MEGF11: variants seen among roughly 807,000 people sequenced by gnomAD.
The protein encoded by MEGF11 is multiple epidermal growth factor-like domains protein 11.
In MEGF11, 126 loss-of-function variants were observed where a neutral mutation model predicts 146.6. The ratio of observed to expected loss-of-function variants is 0.86; its 90% CI spans 0.74 to 1.00. The LOEUF is 1.00. Among genes scored for constraint, MEGF11 ranks in the 50% least tolerant of loss-of-function variants. The pLI, the probability that MEGF11 is intolerant of heterozygous loss-of-function variation, is 0.00. For missense variants in MEGF11, 1,509 were observed against 1,521.2 expected, an observed-to-expected ratio of 0.99 and a Z score of 0.13; for synonymous variants, 532 against 583.4, an observed-to-expected ratio of 0.91 and a Z score of 1.27.
At chr15:66,085,710 C>G (rs1181707000) in intron 5 of MEGF11, among the ~76,000 whole-genome samples, 2 of 152,208 alleles carry the variant, frequency 1.3e-5, no homozygotes, top group Non-Finnish European at 2.9e-5. Flanking sequence ...TCTGACAGAG[C>G]CTACCCAAAT....
intron 1 of MEGF11, among the ~76,000 whole-genome samples, chr15:66,170,211 A>G (rs1468282576): frequency 6.6e-6 from 1 of 152,144 alleles, no homozygotes. Context: ...GCAGATGGAG[A>G]GCACCTGTGG....
chr15:66,054,312 C>A (rs184833008), intron 5 of MEGF11, among the ~76,000 whole-genome samples: 4 of 152,204 alleles, frequency 2.6e-5, no homozygotes, highest in African/African-American at 9.7e-5. Flanking sequence ...GTTTAAAATT[C>A]TCTGCAGGCT....
intron 4 of MEGF11, among the ~76,000 whole-genome samples, chr15:66,107,062 A>ACC (rs10666321): frequency 5.3e-5 from 8 of 150,234 alleles, no homozygotes; most frequent in Non-Finnish European, 1.0e-4. Context: ...CTACCCCCCC[A>ACC]CCAGGTATAG....
chr15:65,996,028 A>C (rs762901215), intron 5 of MEGF11, among the ~76,000 whole-genome samples: 1 of 152,170 alleles, frequency 6.6e-6, no homozygotes, highest in Non-Finnish European at 1.5e-5. Context: ...GTCCTGGGGA[A>C]GCCTCCACCC....
chr15:66,119,635 C>T (rs1047735162), intron 3 of MEGF11, among the ~76,000 whole-genome samples: 2 of 151,936 alleles, frequency 1.3e-5, no homozygotes, highest in African/African-American at 4.8e-5. Context: ...AGTATTGGTC[C>T]CCCCACTTGA....
At chr15:65,981,439 A>C (rs1239335794) in intron 6 of MEGF11, among the ~76,000 whole-genome samples, 2 of 152,062 alleles carry the variant, frequency 1.3e-5, no homozygotes, top group South Asian at 4.1e-4. Context: ...CAGGATTTGC[A>C]TGGGGTCTTG....
At chr15:66,247,810 G>A (rs1459983527) in intron 1 of MEGF11, among the ~76,000 whole-genome samples, 1 of 146,238 alleles carries the variant, frequency 6.8e-6, no homozygotes, top group Non-Finnish European at 1.5e-5. Flanking sequence ...GCCGAGGCTG[G>A]CAGATCACCT....
intron 5 of MEGF11, among the ~76,000 whole-genome samples, chr15:66,032,603 G>A (rs1349518215): frequency 6.6e-6 from 1 of 152,204 alleles, no homozygotes; most frequent in Non-Finnish European, 1.5e-5. Flanking sequence ...AAGAAACAAG[G>A]TATTGGAAAC....
intron 5 of MEGF11, among the ~76,000 whole-genome samples, chr15:66,027,825 A>G (rs1270122289): frequency 6.6e-6 from 1 of 152,200 alleles, no homozygotes; most frequent in African/African-American, 2.4e-5. Context: ...TAGGATCAGA[A>G]ACCCCAGGCT....
intron 5 of MEGF11, among the ~76,000 whole-genome samples, chr15:66,045,993 C>G (rs1473407305): frequency 6.6e-6 from 1 of 152,168 alleles, no homozygotes; most frequent in Non-Finnish European, 1.5e-5. Context: ...ATCCCAGCTA[C>G]TCGGGAGGCT....
intron 1 of MEGF11, among the ~76,000 whole-genome samples, chr15:66,172,985 G>C (rs2090301536): frequency 6.6e-6 from 1 of 152,086 alleles, no homozygotes; most frequent in Non-Finnish European, 1.5e-5. Flanking sequence ...GGGCTACCCT[G>C]GGAGGGGAGT....
At chr15:65,996,604 GCCT>G (rs1476592722) in intron 5 of MEGF11, among the ~76,000 whole-genome samples, 1 of 151,894 alleles carries the variant, frequency 6.6e-6, no homozygotes, top group Non-Finnish European at 1.5e-5. Context: ...TCCTGCTTCA[GCCT>G]CCTAAGTAGC....
At chr15:65,959,627 T>A (rs1301121691) in intron 9 of MEGF11, among the ~76,000 whole-genome samples, 1 of 152,202 alleles carries the variant, frequency 6.6e-6, no homozygotes, top group Non-Finnish European at 1.5e-5. Context: ...AAGGAAATAA[T>A]CATAGCTGTG....
intron 19 of MEGF11, 24 bp downstream of exon 19, chr15:65,915,446 G>A (rs1207931319): frequency 1.9e-6 from 3 of 1,611,806 alleles, no homozygotes; most frequent in Middle Eastern, 1.8e-4. Context: ...CACAGACCCC[G>A]GGGCTCTGCC....
At chr15:66,215,811 G>A (rs912435624) in intron 1 of MEGF11, among the ~76,000 whole-genome samples, 1 of 152,230 alleles carries the variant, frequency 6.6e-6, no homozygotes, top group African/African-American at 2.4e-5. Flanking sequence ...ACAGAGGACT[G>A]CACCCTGAGA....
At chr15:66,013,292 C>T (rs567825554) in intron 5 of MEGF11, among the ~76,000 whole-genome samples, 4 of 152,338 alleles carry the variant, frequency 2.6e-5, no homozygotes, top group African/African-American at 7.2e-5. Context: ...CTCTTAGCCT[C>T]ACCCTCCCAC....
chr15:66,125,362 T>TC (rs1457388281), intron 2 of MEGF11, among the ~76,000 whole-genome samples: 4 of 152,184 alleles, frequency 2.6e-5, no homozygotes, highest in Non-Finnish European at 2.9e-5. Context: ...AGAGTCCTCT[T>TC]CCAGCTCTGG....
At chr15:66,065,591 G>A (rs2085089575) in intron 5 of MEGF11, among the ~76,000 whole-genome samples, 1 of 152,172 alleles carries the variant, frequency 6.6e-6, no homozygotes. Context: ...GGCAGGTGGG[G>A]GTGGGTACTG....
chr15:66,065,447 T>C (rs1400911148), intron 5 of MEGF11, among the ~76,000 whole-genome samples: 1 of 152,210 alleles, frequency 6.6e-6, no homozygotes, highest in Non-Finnish European at 1.5e-5. Context: ...GCTCTGCATG[T>C]CTGGATCTGA....
Sources: gnomAD v4.1 joint callset for allele counts (sites outside exome capture counted in the v4.1 genomes callset) on GRCh38, gnomAD v4.1.1 for gene constraint, MANE v1.5 for transcripts, NCBI Gene and HGNC (gene_info 2026-07-23, HGNC 2026-07-21) for gene names.